Variants in LHFPL2 observed in about 807,000 individuals in gnomAD.
The protein encoded by LHFPL2 is LHFPL tetraspan subfamily member 2, also known as LHFPL tetraspan subfamily member 2 protein.
A neutral mutation model predicts 17.5 loss-of-function variants in LHFPL2; 7 were observed. That is an observed-to-expected ratio of 0.40 (90% CI 0.23 to 0.75). LHFPL2 has a LOEUF of 0.75. LHFPL2 is among the 30% of genes least tolerant of loss of function. LHFPL2 has a pLI of 0.37. For missense variants in LHFPL2, 241 were observed against 294.8 expected, an observed-to-expected ratio of 0.82 and a Z score of 1.34; for synonymous variants, 134 against 116.2, an observed-to-expected ratio of 1.15 and a Z score of -0.99.
intron 2 of LHFPL2, among the ~76,000 whole-genome samples, chr5:78,593,345 A>G (rs1743711807): frequency 6.6e-6 from 1 of 152,154 alleles, no homozygotes; most frequent in Non-Finnish European, 1.5e-5. Flanking sequence ...CAAGAGTGCA[A>G]GGTCCTGAGA....
At chr5:78,582,457 A>T (rs1743182801) in intron 2 of LHFPL2, among the ~76,000 whole-genome samples, 1 of 150,370 alleles carries the variant, frequency 6.7e-6, no homozygotes, top group South Asian at 2.2e-4. Flanking sequence ...ACTGCTTTGA[A>T]TGCGTCCCAG....
At position 78,521,349 on chromosome 5, in the gene LHFPL2, T is replaced by C. The variant is rs116555067; in HGVS notation, c.-185-10951A>G. On this transcript the variant is annotated intron_variant, in intron 3 of 4. Coordinates refer to ENST00000380345, the MANE Select transcript of LHFPL2 (RefSeq NM_005779.3). ...ATCCAGGGGCAATTTCTGATGAGTA[T>C]TTTTATTAATGATCTAATAAAATGT... Among the ~76,000 whole-genome samples the C allele has an allele frequency of 5.9e-3, 895 of 152,370 alleles. 10 individuals are homozygous for C. Among genetic ancestry groups the C allele is most frequent in the African/African-American group, 0.021 (857 of 41,586 alleles).
chr5:78,560,297 T>C (rs1197111966), intron 3 of LHFPL2, among the ~76,000 whole-genome samples: 3 of 152,390 alleles, frequency 2.0e-5, no homozygotes, highest in East Asian at 1.9e-4. Flanking sequence ...TACCTTCTCA[T>C]GTTTCCTACA....
chr5:78,485,450 G>A lies in LHFPL2; in HGVS notation c.*3447C>T, dbSNP rs1376680257. The A allele has an allele frequency of 1.3e-5, 2 of 152,608 alleles. No homozygotes were observed. The highest frequency in any genetic ancestry group is 2.9e-5 in the Non-Finnish European group (2 of 68,026). 9.5% of individuals were successfully genotyped at this position (152,608 alleles called of 1,614,324 possible). A position where few individuals can be genotyped will look rare whatever the true frequency, so the allele number is the denominator to read the frequency against. On this transcript the variant is annotated 3_prime_UTR_variant, in exon 5 of 5. Transcript: ENST00000380345. ...TCAAGTGGTGCCGAGTCCCTCCAGAGCACCTACTGACCCCCTCAGCCTTGG... is the reference window on the plus strand; with the variant it reads ...TCAAGTGGTGCCGAGTCCCTCCAGAACACCTACTGACCCCCTCAGCCTTGG...
chr5:78,604,152 C>G (rs370421949), intron 2 of LHFPL2, among the ~76,000 whole-genome samples: 1 of 152,252 alleles, frequency 6.6e-6, no homozygotes, highest in South Asian at 2.1e-4. Flanking sequence ...CCACTTAAAA[C>G]CATAAAATGG....
chr5:78,558,647 T>C (rs541608157), intron 3 of LHFPL2, among the ~76,000 whole-genome samples: 2 of 152,304 alleles, frequency 1.3e-5, no homozygotes, highest in African/African-American at 4.8e-5. Flanking sequence ...CTTATACATT[T>C]ATTACGGGAG....
intron 1 of LHFPL2, among the ~76,000 whole-genome samples, chr5:78,645,245 A>G (rs1370168291): frequency 6.6e-6 from 1 of 151,342 alleles, no homozygotes; most frequent in South Asian, 2.1e-4. Context: ...ACAGAGGTGT[A>G]TGGGTTTTTT....
chr5:78,624,513 G>A (rs1744963700), intron 2 of LHFPL2, among the ~76,000 whole-genome samples: 1 of 152,212 alleles, frequency 6.6e-6, no homozygotes, highest in Non-Finnish European at 1.5e-5. Flanking sequence ...CTGGGAGGAG[G>A]GCCCAGAGTG....
chr5:78,516,672 G>C (rs886999764), intron 3 of LHFPL2, among the ~76,000 whole-genome samples: 1 of 152,158 alleles, frequency 6.6e-6, no homozygotes, highest in Middle Eastern at 3.2e-3. Flanking sequence ...GCGCATTCAT[G>C]ATATTTACTA....
intron 4 of LHFPL2, among the ~76,000 whole-genome samples, chr5:78,495,998 C>T (rs561510168): frequency 1.3e-5 from 2 of 152,322 alleles, no homozygotes; most frequent in African/African-American, 4.8e-5. Context: ...TTCTCTCCCT[C>T]ATTCCAATGC....
intron 2 of LHFPL2, among the ~76,000 whole-genome samples, chr5:78,619,679 G>A (rs1744766799): frequency 8.1e-6 from 1 of 123,644 alleles, no homozygotes; most frequent in Non-Finnish European, 1.6e-5. Context: ...AGGCCCCAGA[G>A]TGTAATGATC....
At chr5:78,606,923 C>G (rs191633936) in intron 2 of LHFPL2, among the ~76,000 whole-genome samples, 36 of 151,614 alleles carry the variant, frequency 2.4e-4, no homozygotes, top group African/African-American at 8.7e-4. Context: ...GTGATCCACC[C>G]GCCTTGGCCT....
intron 3 of LHFPL2, among the ~76,000 whole-genome samples, chr5:78,529,585 G>A (rs1392580699): frequency 4.6e-5 from 7 of 151,854 alleles, no homozygotes; most frequent in South Asian, 2.1e-4. Context: ...GCAGTGAGCC[G>A]AGATTGCGCC....
Position 78,580,002 on chromosome 5 carries a change from C to G in LHFPL2, c.-244-15131G>C, listed in dbSNP as rs549308590. 3.1e-3 allele frequency among the ~76,000 whole-genome samples: 479 copies of G among 152,330 alleles called. 2 individuals carry two copies. Among genetic ancestry groups the G allele is most frequent in the Non-Finnish European group, 5.4e-3 (370 of 68,026 alleles). On this transcript the variant is annotated intron_variant, in intron 2 of 4. Transcript: ENST00000380345. ...TGTTCCTATTTCTCCACATCCTCTC[C>G]AGCACCTGTTGTTTCCTAACTTTTT...
intron 4 of LHFPL2, among the ~76,000 whole-genome samples, chr5:78,492,207 A>G (rs912814987): frequency 6.6e-6 from 1 of 152,158 alleles, no homozygotes; most frequent in Non-Finnish European, 1.5e-5. Context: ...CTCTGCCCTA[A>G]AGCTCTGAGT....
chr5:78,646,010 C>G (rs1371719891), intron 1 of LHFPL2, among the ~76,000 whole-genome samples: 6 of 152,208 alleles, frequency 3.9e-5, no homozygotes, highest in Non-Finnish European at 8.8e-5. Context: ...AGGCACTTAT[C>G]ATGTTCATTA....
chr5:78,579,140 A>C (rs1373009451), intron 2 of LHFPL2, among the ~76,000 whole-genome samples: 1 of 152,130 alleles, frequency 6.6e-6, no homozygotes, highest in Non-Finnish European at 1.5e-5. Context: ...TCCTTAAGCA[A>C]AGCAAAACAC....
At chr5:78,547,115 A>T (rs1756301134) in intron 3 of LHFPL2, among the ~76,000 whole-genome samples, 1 of 152,148 alleles carries the variant, frequency 6.6e-6, no homozygotes, top group South Asian at 2.1e-4. Context: ...ACTCTGTGGA[A>T]CAGGCTCAGA....
At chr5:78,489,762 C>T (rs1254181695) in intron 4 of LHFPL2, among the ~76,000 whole-genome samples, 2 of 152,212 alleles carry the variant, frequency 1.3e-5, no homozygotes, top group Non-Finnish European at 2.9e-5. Context: ...GGCCCTCAAG[C>T]CAAATGTTAA....
Sources: allele counts gnomAD v4.1 joint callset (sites outside exome capture counted in the v4.1 genomes callset), GRCh38; gene constraint gnomAD v4.1.1; transcripts MANE v1.5; gene names NCBI Gene and HGNC (gene_info 2026-07-23, HGNC 2026-07-21).